ARGLU1: variants seen among roughly 807,000 people sequenced by gnomAD.
ARGLU1 encodes arginine and glutamate-rich protein 1.
ARGLU1 carries 9 observed loss-of-function variants against 37.6 expected under a neutral mutation model. That is an observed-to-expected ratio of 0.24 (90% CI 0.14 to 0.42). ARGLU1 has a LOEUF of 0.42. ARGLU1 is among the 10% of genes least tolerant of loss of function. ARGLU1 has a pLI of 1.00. For missense variants in ARGLU1, 211 were observed against 359.2 expected (o/e 0.59, Z 3.34); for synonymous variants, 166 against 138.5 (o/e 1.20, Z -1.39).
chr13:106,565,851 T>C (rs1880948048), intron 1 of ARGLU1, among the ~76,000 whole-genome samples: 1 of 152,256 alleles, frequency 6.6e-6, no homozygotes, highest in African/African-American at 2.4e-5. Context: ...CTATTTGCCG[T>C]ATTTCATTCC....
At chr13:106,563,585 C>T (rs1031439850) in intron 1 of ARGLU1, among the ~76,000 whole-genome samples, 1 of 152,186 alleles carries the variant, frequency 6.6e-6, no homozygotes, top group Non-Finnish European at 1.5e-5. Context: ...AGAAGGATTA[C>T]TTGAGGCCAG....
intron 3 of ARGLU1, among the ~76,000 whole-genome samples, chr13:106,552,499 T>C (rs1211833390): frequency 1.3e-5 from 2 of 152,218 alleles, no homozygotes; most frequent in Non-Finnish European, 2.9e-5. Flanking sequence ...GACAAGGGTA[T>C]AGATTGAGAG....
chr13:106,562,225 G>A (rs965987951), intron 1 of ARGLU1, among the ~76,000 whole-genome samples: 8 of 152,152 alleles, frequency 5.3e-5, no homozygotes, highest in Non-Finnish European at 1.2e-4. Context: ...AATTAAAAAT[G>A]CTACTTCAGT....
chr13:106,549,264 T>C (rs1880473723), intron 3 of ARGLU1, among the ~76,000 whole-genome samples: 1 of 152,230 alleles, frequency 6.6e-6, no homozygotes. Context: ...AGAGTGATTA[T>C]AGAAATGGAT....
At chr13:106,547,870 T>A (rs9587153) in intron 3 of ARGLU1, among the ~76,000 whole-genome samples, 47,863 of 151,960 alleles carry the variant, frequency 0.31, 7,847 homozygotes, top group African/African-American at 0.39. Context: ...AAAACAAGAT[T>A]TTTAAAGTAA....
rs373124293 is a variant in ARGLU1 at position 106,567,947 on chromosome 13, C to G, written c.-28G>C. On this transcript the variant is annotated 5_prime_UTR_variant, in exon 1 of 4. Coordinates refer to ENST00000400198, the MANE Select transcript of ARGLU1 (RefSeq NM_018011.4). This position sits in a 1 kb window ranked among gnomAD's most constrained non-coding sequence, Gnocchi z 4.3. ...TTCCGGGAGACGCTCTAACCGCTCGCCTCAGGCCCCTCACGCGGCCAGTTC... is the reference window on the plus strand; with the variant it reads ...TTCCGGGAGACGCTCTAACCGCTCGGCTCAGGCCCCTCACGCGGCCAGTTC... The G allele has an allele frequency of 1.6e-4, 256 of 1,568,474 alleles. No homozygotes were observed. In the African/African-American group the frequency reaches 3.0e-3, roughly 18 times the overall value.
chr13:106,542,987 T>C lies in ARGLU1; in HGVS notation c.*1009A>G, dbSNP rs1428878918. On this transcript the variant is annotated 3_prime_UTR_variant, in exon 4 of 4. Transcript: ENST00000400198. ...ACTCTGAAAACGATCTCAGATTCCATAATTTAAAAGCATTTTTCTAGCCTT... is the reference window on the plus strand; with the variant it reads ...ACTCTGAAAACGATCTCAGATTCCACAATTTAAAAGCATTTTTCTAGCCTT... 1 of 152,084 alleles carries C rather than the reference T, an allele frequency of 6.6e-6. No individual in the cohort carries two copies. The highest frequency in any genetic ancestry group is 1.5e-5 in the Non-Finnish European group (1 of 67,962). 9.4% of individuals were successfully genotyped at this position (152,084 alleles called of 1,614,324 possible).
At position 106,559,419 on chromosome 13, in the gene ARGLU1, G is replaced by T; in HGVS notation, c.573+13C>A. On this transcript the variant is annotated intron_variant, in intron 2 of 3. Coordinates refer to ENST00000400198, the MANE Select transcript of ARGLU1 (RefSeq NM_018011.4). The stretch of plus-strand genomic sequence containing the variant: ...CATGGACTGTCTCTACTTTCCAAAC[G>T]ACCGAGCGTTACCTCTCTAGCTTTT... 2.5e-6 allele frequency: 4 copies of T among 1,613,560 alleles called. No homozygotes were observed. The South Asian group carries it at 4.4e-5, about 18-fold the overall frequency.
intron 1 of ARGLU1, among the ~76,000 whole-genome samples, chr13:106,561,424 TAC>T (rs59373729): frequency 0.15 from 22,171 of 147,716 alleles, 1,800 homozygotes; most frequent in African/African-American, 0.22. Context: ...TAATAAAGTG[TAC>T]ACACACACAC....
intron 2 of ARGLU1, chr13:106,558,044 G>C: frequency 8.1e-6 from 8 of 985,126 alleles, no homozygotes; most frequent in South Asian, 4.7e-5. Context: ...TTGATGGCTT[G>C]AGCAGTGTTC....
chr13:106,544,861 GACTAACTAT>G (rs902649713), intron 3 of ARGLU1, among the ~76,000 whole-genome samples: 12 of 152,238 alleles, frequency 7.9e-5, no homozygotes, highest in African/African-American at 2.9e-4. Flanking sequence ...CTTCTGACCT[GACTAACTAT>G]AAAGTGCTAT....
At chr13:106,548,983 C>T (rs1594188762) in intron 3 of ARGLU1, among the ~76,000 whole-genome samples, 1 of 152,246 alleles carries the variant, frequency 6.6e-6, no homozygotes, top group East Asian at 1.9e-4. Flanking sequence ...GATCTTCTGA[C>T]CTTGTGATCC....
intron 2 of ARGLU1, chr13:106,558,069 A>G (rs1880701099): frequency 7.1e-6 from 7 of 985,316 alleles, no homozygotes; most frequent in Non-Finnish European, 8.4e-6. Context: ...CACAGCATAC[A>G]TATTCAAATG....
rs1279112591 is a variant in ARGLU1 at position 106,542,590 on chromosome 13, C to T, written c.*1406G>A. The T allele has an allele frequency of 2.0e-5, 3 of 152,060 alleles. No homozygotes were observed. The highest frequency in any genetic ancestry group is 7.2e-5 in the African/African-American group (3 of 41,436). 9.4% of individuals were successfully genotyped at this position (152,060 alleles called of 1,614,324 possible). A position where few individuals can be genotyped will look rare whatever the true frequency, so the allele number is the denominator to read the frequency against. On this transcript the variant is annotated 3_prime_UTR_variant, in exon 4 of 4. Coordinates refer to ENST00000400198, the MANE Select transcript of ARGLU1 (RefSeq NM_018011.4). ...CACACAAAATAATCTACCATTTAGT[C>T]ATCTCTTTAGCTTATGTTTTCAATT... is the stretch of plus-strand genomic sequence containing the variant.
intron 1 of ARGLU1, 91 bp from the exon 2 acceptor site, chr13:106,559,748 A>T: frequency 7.5e-7 from 1 of 1,329,764 alleles, no homozygotes; most frequent in Non-Finnish European, 1.0e-6. Flanking sequence ...CAAGCCATTG[A>T]GCCTGATATT....
chr13:106,565,288 C>T (rs529930862), intron 1 of ARGLU1, among the ~76,000 whole-genome samples: 1 of 152,314 alleles, frequency 6.6e-6, no homozygotes, highest in East Asian at 1.9e-4. Flanking sequence ...CCTGATCATT[C>T]CACTTTTAAG....
At position 106,567,126 on chromosome 13, in the gene ARGLU1, C is replaced by G. The variant is rs1334165545; in HGVS notation, c.347+447G>C. Among the ~76,000 whole-genome samples the G allele has an allele frequency of 6.6e-6, 1 of 152,060 alleles. No individual in the cohort carries two copies. The highest frequency in any genetic ancestry group is 2.4e-5 in the African/African-American group (1 of 41,404). ...TTGAGCTTCAATAGAATGCTTCTGG[C>G]CAGCTGTGATTCGCATCTCAAAGGT... On this transcript the variant is annotated intron_variant, in intron 1 of 3. Coordinates refer to ENST00000400198, the MANE Select transcript of ARGLU1 (RefSeq NM_018011.4). The surrounding 1 kb of genome is among the most constrained non-coding windows in gnomAD (Gnocchi z 4.3).
intron 1 of ARGLU1, among the ~76,000 whole-genome samples, chr13:106,563,973 A>AT (rs1269807202): frequency 6.6e-6 from 1 of 152,116 alleles, no homozygotes; most frequent in African/African-American, 2.4e-5. Context: ...TCAGTTGTCT[A>AT]TTTTTTCAAC....
chr13:106,564,479 C>T (rs556667253), intron 1 of ARGLU1, among the ~76,000 whole-genome samples: 1 of 152,268 alleles, frequency 6.6e-6, no homozygotes, highest in Non-Finnish European at 1.5e-5. Context: ...ATTAGTTAAA[C>T]CCAATGGTTG....
Sources: gnomAD v4.1 joint callset for allele counts (sites outside exome capture counted in the v4.1 genomes callset) on GRCh38, gnomAD v4.1.1 for gene constraint, Gnocchi (gnomAD v3.1) non-coding constraint, MANE v1.5 for transcripts, NCBI Gene and HGNC (gene_info 2026-07-23, HGNC 2026-07-21) for gene names.